Variants in CCDC85C observed in about 807,000 individuals in gnomAD.
CCDC85C encodes coiled-coil domain-containing protein 85C.
CCDC85C carries 18 observed loss-of-function variants against 38.3 expected under a neutral mutation model. The ratio of observed to expected loss-of-function variants is 0.47; its 90% CI spans 0.33 to 0.70. The LOEUF is 0.70. Ranked by LOEUF, CCDC85C falls within the 30% of genes least tolerant of loss-of-function variation. CCDC85C has a pLI of 0.03. For missense variants in CCDC85C, 566 were observed against 621.2 expected (o/e 0.91, Z 0.94); for synonymous variants, 264 against 293.8 (o/e 0.90, Z 1.04).
intron 1 of CCDC85C, among the ~76,000 whole-genome samples, chr14:99,565,354 G>A (rs1257047876): frequency 6.6e-6 from 1 of 152,222 alleles, no homozygotes; most frequent in Non-Finnish European, 1.5e-5. Context: ...TGCCTGGGTT[G>A]GCACCCCCTG....
chr14:99,544,881 G>A lies in CCDC85C; in HGVS notation c.794-8793C>T, dbSNP rs543111305. On this transcript the variant is annotated intron_variant, in intron 1 of 5. Coordinates refer to ENST00000380243, the MANE Select transcript of CCDC85C (RefSeq NM_001144995.2). The surrounding 1 kb of genome is among the most constrained non-coding windows in gnomAD (Gnocchi z 5.3). ...TCCCCTGAGATCCACCTCCATGCCC[G>A]GAGACATGGGATCATGGGAACCTAA... is the stretch of plus-strand genomic sequence containing the variant. 7.2e-5 allele frequency among the ~76,000 whole-genome samples: 11 copies of A among 152,258 alleles called. No homozygotes were observed. The highest frequency in any genetic ancestry group is 2.1e-4 in the South Asian group (1 of 4,822).
In CCDC85C at chr14:99,536,100, C is replaced by T. The variant is rs1000006783; in HGVS notation, c.794-12G>A. ...GGTGGATGAGGGATCTGGAAGGACA[C>T]AAGAGGAAGGGGGACATTAGCCTCC... On this transcript the variant is annotated splice_polypyrimidine_tract_variant and intron_variant, in intron 1 of 5. Coordinates refer to ENST00000380243, the MANE Select transcript of CCDC85C (RefSeq NM_001144995.2). The T allele has an allele frequency of 2.5e-5, 38 of 1,540,872 alleles. No individual in the cohort carries two copies. Among genetic ancestry groups the T allele is most frequent in the Non-Finnish European group, 3.2e-5 (36 of 1,137,408 alleles).
At chr14:99,553,930 G>A (rs1293221220) in intron 1 of CCDC85C, among the ~76,000 whole-genome samples, 3 of 152,294 alleles carry the variant, frequency 2.0e-5, no homozygotes, top group African/African-American at 7.2e-5. Flanking sequence ...GGGGGACAGA[G>A]GGTCCAGGGT....
intron 1 of CCDC85C, among the ~76,000 whole-genome samples, chr14:99,592,173 A>G (rs563688659): frequency 4.6e-5 from 7 of 152,236 alleles, no homozygotes; most frequent in Non-Finnish European, 1.0e-4. Flanking sequence ...AGCCCATGCG[A>G]AGGCAGGGTG....
intron 2 of CCDC85C, 115 bp from the exon 3 acceptor site, chr14:99,522,355 C>T: frequency 1.5e-6 from 1 of 684,828 alleles, no homozygotes; most frequent in Non-Finnish European, 2.4e-6. Flanking sequence ...CCCCGGAGGA[C>T]CCCTCCACCC....
chr14:99,591,454 C>A (rs550110732), intron 1 of CCDC85C, among the ~76,000 whole-genome samples: 1 of 152,350 alleles, frequency 6.6e-6, no homozygotes, highest in Admixed American at 6.5e-5. Flanking sequence ...ACGGCTCCCA[C>A]GGATGCTGAG....
In CCDC85C at chr14:99,507,294, G is replaced by T; in HGVS notation, c.*7952C>A. 2 of 693,944 alleles carry T rather than the reference G, an allele frequency of 2.9e-6. No homozygotes were observed. Among genetic ancestry groups the T allele is most frequent in the Non-Finnish European group, 5.2e-6 (2 of 382,000 alleles). 43.0% of individuals were successfully genotyped at this position (693,944 alleles called of 1,614,324 possible). Reference sequence around the variant, plus strand: ...CAGGAATCTTTGCAAAATTGTTCTTGGGCTGGGCACAATGGCTTGTGTTTT... The same window carrying T: ...CAGGAATCTTTGCAAAATTGTTCTTTGGCTGGGCACAATGGCTTGTGTTTT... On this transcript the variant is annotated 3_prime_UTR_variant, in exon 6 of 6. Transcript: ENST00000380243.
intron 1 of CCDC85C, among the ~76,000 whole-genome samples, chr14:99,559,423 T>C (rs1382460054): frequency 6.6e-6 from 1 of 152,298 alleles, no homozygotes; most frequent in East Asian, 1.9e-4. Context: ...CCTTCTCTTA[T>C]AGATTTTTAA....
At chr14:99,559,220 C>CT (rs113049628) in intron 1 of CCDC85C, among the ~76,000 whole-genome samples, 9 of 151,850 alleles carry the variant, frequency 5.9e-5, no homozygotes, top group South Asian at 2.1e-4. Flanking sequence ...AGGAGTCCCC[C>CT]CGAGAGCCTC....
At chr14:99,575,398 C>T (rs1346326157) in intron 1 of CCDC85C, among the ~76,000 whole-genome samples, 2 of 152,198 alleles carry the variant, frequency 1.3e-5, no homozygotes, top group East Asian at 1.9e-4. Flanking sequence ...CAGCGCCCAG[C>T]AATCACTCAG....
rs144419212 is a variant in CCDC85C at position 99,576,500 on chromosome 14, C to G, written c.793+26667G>C. The G allele has an allele frequency of 1.3e-5, 2 of 152,316 alleles. No individual in the cohort carries two copies. Among genetic ancestry groups the G allele is most frequent in the Admixed American group, 6.5e-5 (1 of 15,288 alleles). 9.4% of individuals were successfully genotyped at this position (152,316 alleles called of 1,614,324 possible). A position where few individuals can be genotyped will look rare whatever the true frequency, so the allele number is the denominator to read the frequency against. ...TCCCAGCACAGGATGGTGCTGTCCACGCACTTCTCATGAACCACACCAGTG... is the reference window on the plus strand; with the variant it reads ...TCCCAGCACAGGATGGTGCTGTCCAGGCACTTCTCATGAACCACACCAGTG... On this transcript the variant is annotated intron_variant, in intron 1 of 5. Coordinates refer to ENST00000380243, the MANE Select transcript of CCDC85C (RefSeq NM_001144995.2). The surrounding 1 kb of genome is among the most constrained non-coding windows in gnomAD (Gnocchi z 4.8).
In CCDC85C at chr14:99,505,446, C is replaced by G; in HGVS notation, c.*9800G>C. The G allele has an allele frequency of 6.6e-6, 1 of 152,218 alleles. No individual in the cohort carries two copies. Among genetic ancestry groups the G allele is most frequent in the East Asian group, 1.9e-4 (1 of 5,202 alleles). The allele number at this position is 152,218 out of a possible 1,614,324, so 9.4% of individuals were successfully genotyped here. On this transcript the variant is annotated 3_prime_UTR_variant, in exon 6 of 6. Transcript: ENST00000380243. ...CAAGAAAGGAGAACGTAAGACATCT[C>G]ATTAGTAAAGCTTTATATTGGTTAC...
rs1896819695 is a variant in CCDC85C at position 99,501,312 on chromosome 14, A to G, written c.*13934T>C. ...AATAAATACTTGATGCTGCCTGTGA[A>G]TTTTTCTATTGCTATTAATTTACCT... On this transcript the variant is annotated 3_prime_UTR_variant, in exon 6 of 6. Coordinates refer to ENST00000380243, the MANE Select transcript of CCDC85C (RefSeq NM_001144995.2). 4 of 1,276,454 alleles carry G rather than the reference A, an allele frequency of 3.1e-6. No individual in the cohort carries two copies. In the African/African-American group the frequency reaches 5.9e-5, roughly 19 times the overall value. 79.1% of individuals were successfully genotyped at this position (1,276,454 alleles called of 1,614,324 possible).
chr14:99,575,940 G>C (rs1417989829), intron 1 of CCDC85C, among the ~76,000 whole-genome samples: 1 of 152,132 alleles, frequency 6.6e-6, no homozygotes, highest in Non-Finnish European at 1.5e-5. Context: ...CACCTACCAG[G>C]CCAAATCACA....
intron 1 of CCDC85C, among the ~76,000 whole-genome samples, chr14:99,600,295 T>C (rs1257936769): frequency 1.3e-5 from 2 of 152,156 alleles, no homozygotes; most frequent in Non-Finnish European, 2.9e-5. Flanking sequence ...GTTCTGTCCA[T>C]CTTACAGAAG....
At chr14:99,551,751 G>A (rs1038902111) in intron 1 of CCDC85C, among the ~76,000 whole-genome samples, 1 of 152,072 alleles carries the variant, frequency 6.6e-6, no homozygotes, top group Non-Finnish European at 1.5e-5. Context: ...GTGAGCAAGT[G>A]AGTAAGCATG....
intron 1 of CCDC85C, among the ~76,000 whole-genome samples, chr14:99,587,514 C>T (rs1447327933): frequency 1.3e-5 from 2 of 152,210 alleles, no homozygotes; most frequent in African/African-American, 2.4e-5. Flanking sequence ...AAGGGTCTAC[C>T]TCACAGGGAA....
intron 1 of CCDC85C, among the ~76,000 whole-genome samples, chr14:99,586,892 A>G (rs1346730070): frequency 2.0e-5 from 3 of 152,208 alleles, no homozygotes; most frequent in African/African-American, 7.2e-5. Context: ...AGGCGGCCTC[A>G]GGGCTGGGCA....
chr14:99,581,024 G>A (rs2054962672), intron 1 of CCDC85C, among the ~76,000 whole-genome samples: 1 of 152,128 alleles, frequency 6.6e-6, no homozygotes. Flanking sequence ...TGCAGGGTAG[G>A]GGCTGTGTTT....
Sources: allele counts gnomAD v4.1 joint callset (sites outside exome capture counted in the v4.1 genomes callset), GRCh38; gene constraint gnomAD v4.1.1; non-coding constraint Gnocchi (gnomAD v3.1); transcripts MANE v1.5; gene names NCBI Gene and HGNC (gene_info 2026-07-23, HGNC 2026-07-21).